The following CCDC88A variants were observed in gnomAD, a reference collection of about 807,000 sequenced individuals.
The protein encoded by CCDC88A is coiled-coil and HOOK domain protein 88A.
CCDC88A carries 54 observed loss-of-function variants against 234.3 expected under a neutral mutation model. That is an observed-to-expected ratio of 0.23 (90% CI 0.19 to 0.29). CCDC88A has a LOEUF of 0.29. CCDC88A is among the 10% of genes least tolerant of loss of function. CCDC88A has a pLI of 1.00. For missense variants in CCDC88A, 1,832 were observed against 2,123.4 expected (o/e 0.86, Z 2.70); for synonymous variants, 753 against 737.8 (o/e 1.02, Z -0.33).
chr2:55,294,682 T>G, intron 31 of CCDC88A: 3 of 991,298 alleles, frequency 3.0e-6, no homozygotes, highest in Non-Finnish European at 3.6e-6. Context: ...AATGAACATT[T>G]TTTTCCAGAA....
In CCDC88A at chr2:55,419,174, T is replaced by TC; in HGVS notation, c.-96dup. 1.3e-6 allele frequency: 1 copy of TC among 765,388 alleles called. No homozygotes were observed. The allele number at this position is 765,388 out of a possible 1,614,324, so 47.4% of individuals were successfully genotyped here. A position where few individuals can be genotyped will look rare whatever the true frequency, so the allele number is the denominator to read the frequency against. On this transcript the variant is annotated 5_prime_UTR_variant, in exon 1 of 33. An upstream open reading frame in the 5' UTR loses its in-frame stop. Coordinates refer to ENST00000436346, the MANE Select transcript of CCDC88A (RefSeq NM_001365480.1). ...GGAAGTAAGTAGAAATCAATGAAAG[T>TC]CCATTTCGGCAAGGGAGAAAAATCC...
chr2:55,416,435 A>C (rs5001687), intron 2 of CCDC88A, among the ~76,000 whole-genome samples: 2 of 29,626 alleles, frequency 6.8e-5, no homozygotes, highest in Non-Finnish European at 1.3e-4. Context: ...CAAATAAATA[A>C]ATAAATAAAT....
chr2:55,292,766 CAGG>C (rs1558611325), intron 31 of CCDC88A: 1 of 152,424 alleles, frequency 6.6e-6, no homozygotes, highest in African/African-American at 2.4e-5. Flanking sequence ...GAGGCTGAGG[CAGG>C]AGAATTGCCT....
chr2:55,359,621 T>C (rs1220626415), intron 7 of CCDC88A, among the ~76,000 whole-genome samples: 1 of 150,474 alleles, frequency 6.6e-6, no homozygotes, highest in Non-Finnish European at 1.5e-5. Flanking sequence ...AAATATATAC[T>C]ATATGCTATA....
At chr2:55,343,111 G>A (rs1302134108) in intron 12 of CCDC88A, among the ~76,000 whole-genome samples, 1 of 152,072 alleles carries the variant, frequency 6.6e-6, no homozygotes, top group Non-Finnish European at 1.5e-5. Flanking sequence ...AAATTTACCT[G>A]GGGGATCTTA....
intron 3 of CCDC88A, among the ~76,000 whole-genome samples, chr2:55,386,926 G>A (rs1574407914): frequency 6.6e-6 from 1 of 151,724 alleles, no homozygotes; most frequent in East Asian, 1.9e-4. Context: ...TACAATCCTA[G>A]CATTTTGGGA....
chr2:55,297,281 T>C (rs1680164663), intron 29 of CCDC88A: 1 of 26,432 alleles, frequency 3.8e-5, no homozygotes, highest in African/African-American at 5.6e-5. Context: ...ATATATTATA[T>C]ATAATATATA....
At chr2:55,327,900 T>C (rs74828574) in intron 17 of CCDC88A, among the ~76,000 whole-genome samples, 3,279 of 152,278 alleles carry the variant, frequency 0.022, 130 homozygotes, top group African/African-American at 0.074. Flanking sequence ...ACACATATGA[T>C]TTTCCTCTAA....
At chr2:55,378,630 G>C (rs930600739) in intron 3 of CCDC88A, among the ~76,000 whole-genome samples, 2 of 151,988 alleles carry the variant, frequency 1.3e-5, no homozygotes, top group Non-Finnish European at 2.9e-5. Flanking sequence ...CTAACATTAG[G>C]TTGAAAAAAG....
At position 55,289,671 on chromosome 2, in the gene CCDC88A, A is replaced by G. The variant is rs1679304750; in HGVS notation, c.*1529T>C. ...GCTCAAGTTCTCTAAGTTCCATTTC[A>G]ATTTAAACATGCTCTCTTTTTTATT... On this transcript the variant is annotated 3_prime_UTR_variant, in exon 33 of 33. Transcript: ENST00000436346. 6.6e-6 allele frequency: 1 copy of G among 152,074 alleles called. No individual in the cohort carries two copies. Among genetic ancestry groups the G allele is most frequent in the Admixed American group, 6.6e-5 (1 of 15,262 alleles). 9.4% of individuals were successfully genotyped at this position (152,074 alleles called of 1,614,324 possible).
rs1675293173 is a variant in CCDC88A, at chr2:55,384,660, TA to T, written c.273+4117del. ...ATATGTGTATATATACATATATATA[TA>T]TATATATTTTTTAAAGACAGAGTCT... On this transcript the variant is annotated intron_variant, in intron 3 of 32. Transcript: ENST00000436346. 3.7e-5 allele frequency among the ~76,000 whole-genome samples: 5 copies of T among 136,766 alleles called. 1 individual carries two copies. The highest frequency in any genetic ancestry group is 6.2e-5 in the African/African-American group (2 of 32,054). 89.7% of individuals were successfully genotyped at this position (136,766 alleles called of 152,430 possible). A position where few individuals can be genotyped will look rare whatever the true frequency, so the allele number is the denominator to read the frequency against.
chr2:55,330,176 T>G (rs1558679727), intron 16 of CCDC88A: 2 of 152,130 alleles, frequency 1.3e-5, no homozygotes, highest in Non-Finnish European at 2.9e-5. Context: ...TTCAAATAAA[T>G]TCAGAGAGAA....
At chr2:55,294,953 A>G in intron 31 of CCDC88A, 1 of 1,193,580 alleles carries the variant, frequency 8.4e-7, no homozygotes, top group South Asian at 1.7e-5. Context: ...AATTTTAAAT[A>G]AAAAATAAAA....
rs548436051 is a variant in CCDC88A at position 55,322,226 on chromosome 2, T to C, written c.3162+302A>G. On this transcript the variant is annotated intron_variant, in intron 18 of 32. Transcript: ENST00000436346. ...TGAAAAAACTAAAGCAGTGGAACAA[T>C]AGTGAATAGTTTAAGTCAGGAATAA... Among the ~76,000 whole-genome samples the C allele has an allele frequency of 6.6e-5, 10 of 152,258 alleles. No individual in the cohort carries two copies. The South Asian group carries it at 8.3e-4, about 13-fold the overall frequency.
chr2:55,409,626 T>C (rs551640683), intron 2 of CCDC88A, among the ~76,000 whole-genome samples: 1 of 152,196 alleles, frequency 6.6e-6, no homozygotes, highest in African/African-American at 2.4e-5. Context: ...GTATTACATT[T>C]AGATCCTGAT....
chr2:55,367,528 G>GTTGTTTTTTTTT (rs1553419619), intron 5 of CCDC88A, among the ~76,000 whole-genome samples: 1 of 99,890 alleles, frequency 1.0e-5, no homozygotes, highest in Non-Finnish European at 2.0e-5. Flanking sequence ...TTATTTCCTT[G>GTTGTTTTTTTTT]TTTTTTTTTA....
rs1293055075 is a variant in CCDC88A, at chr2:55,317,220, A to G, written c.3732T>C (p.Cys1244=). 1 of 1,492,282 alleles carries G rather than the reference A, an allele frequency of 6.7e-7. No homozygotes were observed. Among genetic ancestry groups the G allele is most frequent in the Non-Finnish European group, 9.0e-7 (1 of 1,109,894 alleles). 92.4% of individuals were successfully genotyped at this position (1,492,282 alleles called of 1,614,324 possible). A position where few individuals can be genotyped will look rare whatever the true frequency, so the allele number is the denominator to read the frequency against. ...ATATTTATTACCTATCATTTTCACC[A>G]CAAAGTTTCTTGTATTCTGCAGCTA... ...ETVAAEYKKL[C]GENDRLNHTY... is the part of the protein sequence containing the mutation. The change falls in exon 21 of 33, where the codon TGT becomes TGC. Residue 1244 remains cysteine, a synonymous_variant. Coordinates refer to ENST00000436346, the MANE Select transcript of CCDC88A (RefSeq NM_001365480.1). The surrounding 1 kb of genome is among the most constrained non-coding windows in gnomAD (Gnocchi z 4.2).
At chr2:55,336,441 A>T (rs1685471365) in intron 14 of CCDC88A, among the ~76,000 whole-genome samples, 1 of 152,068 alleles carries the variant, frequency 6.6e-6, no homozygotes, top group African/African-American at 2.4e-5. Flanking sequence ...AGTACTGCAA[A>T]TGCTTATACT....
At position 55,316,242 on chromosome 2, in the gene CCDC88A, A is replaced by G. The variant is rs368359152; in HGVS notation, c.3747-128T>C. The G allele has an allele frequency of 7.5e-5, 31 of 414,464 alleles. No individual in the cohort carries two copies. The East Asian group carries it at 7.9e-4, about 11-fold the overall frequency. The allele number at this position is 414,464 out of a possible 1,614,324, so 25.7% of individuals were successfully genotyped here. ...ATAAAAGACTGTTTTACAAGTTACTAAACTTATCAAAAATCAGTTTCTATT... is the reference window on the plus strand; with the variant it reads ...ATAAAAGACTGTTTTACAAGTTACTGAACTTATCAAAAATCAGTTTCTATT... On this transcript the variant is annotated intron_variant, in intron 21 of 32. Coordinates refer to ENST00000436346, the MANE Select transcript of CCDC88A (RefSeq NM_001365480.1).
Sources: allele counts gnomAD v4.1 joint callset (sites outside exome capture counted in the v4.1 genomes callset), GRCh38; gene constraint gnomAD v4.1.1; non-coding constraint Gnocchi (gnomAD v3.1); transcripts MANE v1.5; gene names NCBI Gene and HGNC (gene_info 2026-07-23, HGNC 2026-07-21).